Variants in ATP6V1H observed in about 807,000 individuals in gnomAD.
The protein encoded by ATP6V1H is ATPase H+ transporting V1 subunit H, also known as V-type proton ATPase subunit H.
Under a neutral mutation model 71.7 loss-of-function variants are expected in ATP6V1H, and 39 were observed. The ratio of observed to expected loss-of-function variants is 0.54; its 90% CI spans 0.42 to 0.71. The LOEUF (loss-of-function observed/expected upper bound fraction) is 0.71, where lower values mean the gene tolerates loss of function less well. Ranked by LOEUF, ATP6V1H falls within the 30% of genes least tolerant of loss-of-function variation. The probability of loss-of-function intolerance (pLI) is 0.00; values close to 1 mark genes in which losing one functional copy is unlikely to be tolerated. For synonymous variants in ATP6V1H, 192 were observed against 199.3 expected (o/e 0.96, Z 0.31); for missense variants, 509 against 594.9 (o/e 0.86, Z 1.50).
intron 9 of ATP6V1H, among the ~76,000 whole-genome samples, chr8:53,790,182 A>G (rs749639939): frequency 1.3e-5 from 2 of 152,130 alleles, no homozygotes; most frequent in Non-Finnish European, 2.9e-5. Context: ...TTCTCTCTTA[A>G]TTTTTAAAAT....
intron 12 of ATP6V1H, among the ~76,000 whole-genome samples, chr8:53,745,213 A>G (rs1173732227): frequency 6.6e-6 from 1 of 152,054 alleles, no homozygotes; most frequent in Non-Finnish European, 1.5e-5. Flanking sequence ...TGGACAACAC[A>G]ATGAGATACT....
intron 5 of ATP6V1H, 82 bp downstream of exon 5, chr8:53,817,335 C>G (rs1810483674): frequency 2.1e-6 from 2 of 944,716 alleles, no homozygotes; most frequent in East Asian, 5.5e-5. Context: ...CCCTAAAGTT[C>G]AAGACCAGCC....
At chr8:53,791,214 T>C (rs1056090377) in intron 9 of ATP6V1H, among the ~76,000 whole-genome samples, 8 of 152,230 alleles carry the variant, frequency 5.3e-5, no homozygotes, top group Admixed American at 1.3e-4. Flanking sequence ...TCAGCTCTTA[T>C]TCCATGTTCC....
intron 11 of ATP6V1H, among the ~76,000 whole-genome samples, 185 bp downstream of exon 11, chr8:53,769,433 G>A (rs181921623): frequency 5.9e-5 from 9 of 152,206 alleles, no homozygotes; most frequent in Non-Finnish European, 2.9e-5. Context: ...ACTTGAACAG[G>A]CACTTCTCCA....
chr8:53,719,350 C>T (rs888638137), intron 13 of ATP6V1H, among the ~76,000 whole-genome samples: 8 of 151,960 alleles, frequency 5.3e-5, no homozygotes, highest in African/African-American at 1.9e-4. Flanking sequence ...TTTGTATTTT[C>T]AGTAGAGATG....
intron 13 of ATP6V1H, among the ~76,000 whole-genome samples, chr8:53,743,168 T>TTA (rs1286915613): frequency 6.6e-6 from 1 of 152,234 alleles, no homozygotes; most frequent in African/African-American, 2.4e-5. Flanking sequence ...CTAAGTTGAT[T>TTA]TATCAGCTTT....
intron 9 of ATP6V1H, among the ~76,000 whole-genome samples, chr8:53,794,127 A>G (rs912738548): frequency 5.9e-5 from 9 of 152,212 alleles, no homozygotes; most frequent in African/African-American, 1.7e-4. Context: ...GAAAATAGCC[A>G]TTAAAAAAAA....
chr8:53,840,574 G>A (rs1414116076), intron 2 of ATP6V1H, among the ~76,000 whole-genome samples: 2 of 151,950 alleles, frequency 1.3e-5, no homozygotes. Context: ...AGTTCCTTCA[G>A]GGACAGTACT....
At chr8:53,812,477 T>C (rs1810308903) in intron 6 of ATP6V1H, among the ~76,000 whole-genome samples, 1 of 152,180 alleles carries the variant, frequency 6.6e-6, no homozygotes, top group Non-Finnish European at 1.5e-5. Flanking sequence ...ATTACAAGCA[T>C]AGTCAATCAT....
At chr8:53,781,503 T>A (rs1381838152) in intron 9 of ATP6V1H, among the ~76,000 whole-genome samples, 4 of 152,244 alleles carry the variant, frequency 2.6e-5, no homozygotes, top group Admixed American at 2.6e-4. Flanking sequence ...CTGTTCACTC[T>A]GGTGGTGGTT....
At position 53,798,392 on chromosome 8, in the gene ATP6V1H, C is replaced by T. The variant is rs747317233; in HGVS notation, c.678-2553G>A. Reference sequence around the variant, plus strand: ...TACAAAAATTAGCTGGGGGTAGTGACGCACACTTGTAATCCTAGCTACTCA... The same window carrying T: ...TACAAAAATTAGCTGGGGGTAGTGATGCACACTTGTAATCCTAGCTACTCA... On this transcript the variant is annotated intron_variant, in intron 8 of 13. Transcript: ENST00000359530. Among the ~76,000 whole-genome samples the T allele has an allele frequency of 1.3e-4, 20 of 151,912 alleles. 1 individual carries two copies. The highest frequency in any genetic ancestry group is 1.9e-4 in the Non-Finnish European group (13 of 67,988).
At chr8:53,776,790 T>G (rs925534127) in intron 9 of ATP6V1H, among the ~76,000 whole-genome samples, 1 of 151,970 alleles carries the variant, frequency 6.6e-6, no homozygotes, top group African/African-American at 2.4e-5. Flanking sequence ...AAGTAAACAT[T>G]ACGACTATGA....
At chr8:53,747,400 C>T (rs562754208) in intron 12 of ATP6V1H, among the ~76,000 whole-genome samples, 8 of 152,064 alleles carry the variant, frequency 5.3e-5, no homozygotes, top group Non-Finnish European at 7.4e-5. Context: ...AGGTCATTAC[C>T]GTTTTTAAAA....
intron 9 of ATP6V1H, among the ~76,000 whole-genome samples, chr8:53,777,412 G>C (rs1040867570): frequency 1.3e-5 from 2 of 151,286 alleles, no homozygotes; most frequent in Non-Finnish European, 2.9e-5. Context: ...TGCTGAGAGA[G>C]AGCATTAAAA....
chr8:53,794,613 ACCTCGG>A (rs1227831749), intron 9 of ATP6V1H, among the ~76,000 whole-genome samples: 1 of 152,110 alleles, frequency 6.6e-6, no homozygotes, highest in Non-Finnish European at 1.5e-5. Context: ...TGATCCGCCC[ACCTCGG>A]CCTCCCAAAG....
At chr8:53,804,117 C>T (rs1246896946) in intron 7 of ATP6V1H, among the ~76,000 whole-genome samples, 1 of 152,208 alleles carries the variant, frequency 6.6e-6, no homozygotes, top group Non-Finnish European at 1.5e-5. Context: ...ATACTCTCTC[C>T]TATTGCACAC....
intron 13 of ATP6V1H, 93 bp downstream of exon 13, chr8:53,743,484 T>C: frequency 1.2e-6 from 1 of 856,748 alleles, no homozygotes. Context: ...ATTTTAAAAA[T>C]GATCATTCAA....
chr8:53,726,838 A>C lies in ATP6V1H; in HGVS notation c.1392-10814T>G, dbSNP rs1806828592. On this transcript the variant is annotated intron_variant, in intron 13 of 13. Coordinates refer to ENST00000359530, the MANE Select transcript of ATP6V1H (RefSeq NM_015941.4). ...CAAGATCATGGAGAAAGACCAGGGA[A>C]TACTCTGACCATGTTTAAAGAATGG... 3.3e-5 allele frequency among the ~76,000 whole-genome samples: 5 copies of C among 152,144 alleles called. No individual in the cohort carries two copies. In the South Asian group the frequency reaches 1.0e-3, roughly 32 times the overall value.
chr8:53,772,012 A>G lies in ATP6V1H; in HGVS notation c.1026T>C (p.Leu342=). ...ACCTAAGGTCCTGGACACTCTCTCC[A>G]AGTTTTTCCAAAAGAAATTTGATAT... ...SEDIKFLLEK[L]GESVQDLSSF... The change falls in exon 10 of 14, where the codon CTT becomes CTC. Residue 342 remains leucine, a synonymous_variant. Coordinates refer to ENST00000359530, the MANE Select transcript of ATP6V1H (RefSeq NM_015941.4). 1 of 1,614,026 alleles carries G rather than the reference A, an allele frequency of 6.2e-7. No individual in the cohort carries two copies. The highest frequency in any genetic ancestry group is 8.5e-7 in the Non-Finnish European group (1 of 1,179,926).
Sources: allele counts gnomAD v4.1 joint callset (sites outside exome capture counted in the v4.1 genomes callset), GRCh38; gene constraint gnomAD v4.1.1; transcripts MANE v1.5; gene names NCBI Gene and HGNC (gene_info 2026-07-23, HGNC 2026-07-21).